The following TXLNB variants were observed in gnomAD, a reference collection of about 807,000 sequenced individuals.
TXLNB encodes the protein beta-taxilin.
TXLNB carries 37 observed loss-of-function variants against 57.4 expected under a neutral mutation model. The ratio of observed to expected loss-of-function variants is 0.64; its 90% CI spans 0.50 to 0.85. The LOEUF is 0.85. Ranked by LOEUF, TXLNB falls within the 40% of genes least tolerant of loss-of-function variation. The probability of loss-of-function intolerance (pLI) is 0.00; values close to 1 mark genes in which losing one functional copy is unlikely to be tolerated. For missense variants in TXLNB, 848 were observed against 825.6 expected, an observed-to-expected ratio of 1.03 and a Z score of -0.33; for synonymous variants, 302 against 309.6, an observed-to-expected ratio of 0.98 and a Z score of 0.26.
chr6:139,195,294 T>A, the TXLNB span, among the ~76,000 whole-genome samples: 1 of 152,250 alleles, frequency 6.6e-6, no homozygotes, highest in Non-Finnish European at 1.5e-5. Flanking sequence ...CAACGTTTAT[T>A]ATCATTCCTT....
chr6:139,203,465 A>C, the TXLNB span: 1 of 152,196 alleles, frequency 6.6e-6, no homozygotes, highest in African/African-American at 2.4e-5. Context: ...TTCATTTCTT[A>C]GCTTAACCTC....
downstream of TXLNB, among the ~76,000 whole-genome samples, chr6:139,239,851 GTC>G (rs150340316): frequency 6.6e-6 from 1 of 150,804 alleles, no homozygotes; most frequent in African/African-American, 2.5e-5. The surrounding 1 kb of genome is among the most constrained non-coding windows in gnomAD (Gnocchi z 4.7). Context: ...TTCTCTCTCT[GTC>G]TCTCTCTGTC....
At chr6:139,159,983 C>T in the TXLNB span, among the ~76,000 whole-genome samples, 31 of 152,150 alleles carry the variant, frequency 2.0e-4, no homozygotes, top group African/African-American at 7.5e-4. Context: ...GCTCATTGGG[C>T]ATTCAGTGTG....
chr6:139,208,999 T>G, the TXLNB span, among the ~76,000 whole-genome samples: 1 of 152,174 alleles, frequency 6.6e-6, no homozygotes. Flanking sequence ...GAAGTCAAAA[T>G]GTAGGTGTTT....
the TXLNB span, among the ~76,000 whole-genome samples, chr6:139,215,567 C>A: frequency 6.6e-6 from 1 of 152,152 alleles, no homozygotes; most frequent in Non-Finnish European, 1.5e-5. Flanking sequence ...CAGGCATGGG[C>A]AAGGACTTCA....
chr6:139,168,952 C>T, the TXLNB span, among the ~76,000 whole-genome samples: 1 of 152,152 alleles, frequency 6.6e-6, no homozygotes. Context: ...ACTCTTATTC[C>T]TGTCTTTGCC....
At chr6:139,169,808 A>G in the TXLNB span, 6 of 152,212 alleles carry the variant, frequency 3.9e-5, no homozygotes, top group Non-Finnish European at 8.8e-5. Context: ...GAACTGAGTA[A>G]CATCACTCCT....
chr6:139,288,655 G>A lies in TXLNB; in HGVS notation c.245C>T (p.Ser82Phe), dbSNP rs1777235126. 3 of 1,614,060 alleles carry A rather than the reference G, an allele frequency of 1.9e-6. No homozygotes were observed. The South Asian group carries it at 3.3e-5, about 18-fold the overall frequency. ...SAASTAGKEG[S>F]ARASEQPENA... is the part of the protein sequence containing the mutation. Reference sequence around the variant, plus strand: ...CTCAGGCTGCTCACTGGCCCTGGCAGAGCCCTCTTTCCCTGCTGTGCTGGC... The same window carrying A: ...CTCAGGCTGCTCACTGGCCCTGGCAAAGCCCTCTTTCCCTGCTGTGCTGGC... The change falls in exon 2 of 10, where the codon TCT (serine) becomes TTT (phenylalanine). Residue 82 changes from serine to phenylalanine, a missense_variant. Ser to Phe is a radical substitution (Grantham distance 155). Transcript: ENST00000358430.
At chr6:139,222,851 G>A in the TXLNB span, among the ~76,000 whole-genome samples, 1 of 152,136 alleles carries the variant, frequency 6.6e-6, no homozygotes, top group African/African-American at 2.4e-5. Context: ...TACACTGATA[G>A]TAAGAGCTTT....
chr6:139,266,981 A>AC (rs1052490311), intron 4 of TXLNB, among the ~76,000 whole-genome samples: 2 of 150,974 alleles, frequency 1.3e-5, no homozygotes, highest in African/African-American at 4.9e-5. Flanking sequence ...AAAAAAAAAA[A>AC]CCCACGAATA....
chr6:139,224,091 A>G, the TXLNB span, among the ~76,000 whole-genome samples: 1,701 of 147,396 alleles, frequency 0.012, 21 homozygotes, highest in African/African-American at 0.04. Context: ...TGTGGCACAT[A>G]TACACCATGG....
At chr6:139,207,525 A>G in the TXLNB span, among the ~76,000 whole-genome samples, 1 of 152,216 alleles carries the variant, frequency 6.6e-6, no homozygotes, top group South Asian at 2.1e-4. Context: ...TCTACATCAA[A>G]AAGTCTGAAA....
chr6:139,321,302 G>A, the TXLNB span, among the ~76,000 whole-genome samples: 3 of 152,082 alleles, frequency 2.0e-5, no homozygotes, highest in African/African-American at 4.8e-5. Context: ...AATGGGATTC[G>A]TGCCCTTACA....
chr6:139,239,515 C>CA (rs1775875594), downstream of TXLNB: 2 of 152,542 alleles, frequency 1.3e-5, no homozygotes, highest in African/African-American at 4.8e-5. This position sits in a 1 kb window ranked among gnomAD's most constrained non-coding sequence, Gnocchi z 4.7. Context: ...TTTTTTGAGA[C>CA]AGGGTCTCAC....
chr6:139,198,283 G>A, the TXLNB span, among the ~76,000 whole-genome samples: 8 of 151,970 alleles, frequency 5.3e-5, no homozygotes, highest in Admixed American at 5.2e-4. Context: ...GGAAGTCTTG[G>A]GTAGGGCTGC....
chr6:139,219,471 A>C, the TXLNB span, among the ~76,000 whole-genome samples: 1 of 152,236 alleles, frequency 6.6e-6, no homozygotes, highest in African/African-American at 2.4e-5. Context: ...AGCTCAAAGC[A>C]GCCTTTCTGG....
chr6:139,303,857 C>CTT, the TXLNB span, among the ~76,000 whole-genome samples: 924 of 131,260 alleles, frequency 7.0e-3, 35 homozygotes, highest in Admixed American at 0.048. Flanking sequence ...AGTTCCTGGT[C>CTT]TTTTTTTTTT....
intron 7 of TXLNB, among the ~76,000 whole-genome samples, chr6:139,253,211 C>T (rs543347838): frequency 6.6e-6 from 1 of 152,294 alleles, no homozygotes; most frequent in South Asian, 2.1e-4. Context: ...ATTAATTATG[C>T]TTATTTTGGG....
At position 139,242,514 on chromosome 6, in the gene TXLNB, G is replaced by A. The variant is rs143581792; in HGVS notation, c.*12C>T. 2.0e-4 allele frequency: 298 copies of A among 1,482,912 alleles called. No homozygotes were observed. The highest frequency in any genetic ancestry group is 2.5e-4 in the Non-Finnish European group (276 of 1,117,736). The allele number at this position is 1,482,912 out of a possible 1,614,324, so 91.9% of individuals were successfully genotyped here. A position where few individuals can be genotyped will look rare whatever the true frequency, so the allele number is the denominator to read the frequency against. ...AAGAGGCAGGAAGAAGCCTCTGAAG[G>A]CACGGTGAGGCTTAGTCGACGCCTT... On this transcript the variant is annotated 3_prime_UTR_variant, in exon 10 of 10. Transcript: ENST00000358430.
Sources: allele counts gnomAD v4.1 joint callset (sites outside exome capture counted in the v4.1 genomes callset), GRCh38; gene constraint gnomAD v4.1.1; non-coding constraint Gnocchi (gnomAD v3.1); transcripts MANE v1.5; gene names NCBI Gene and HGNC (gene_info 2026-07-23, HGNC 2026-07-21).